The following ELOVL2 variants were observed in gnomAD, a reference collection of about 807,000 sequenced individuals.
The protein encoded by ELOVL2 is ELOVL fatty acid elongase 2.
ELOVL2 carries 38 observed loss-of-function variants against 37.7 expected under a neutral mutation model. The observed-to-expected ratio is 1.01, with a 90% CI of 0.78 to 1.32. ELOVL2 has a LOEUF of 1.32. ELOVL2 is among the 40% of genes most tolerant of loss of function. The pLI is 0.00. For synonymous variants in ELOVL2, 115 were observed against 122.3 expected (o/e 0.94, Z 0.40); for missense variants, 352 against 363.6 (o/e 0.97, Z 0.26).
chr6:11,013,939 T>G (rs907808888), intron 1 of ELOVL2, among the ~76,000 whole-genome samples: 1 of 151,626 alleles, frequency 6.6e-6, no homozygotes, highest in Non-Finnish European at 1.5e-5. Context: ...CCTCCCCAGA[T>G]GACATTTCAA....
At chr6:11,037,820 T>C (rs1245252560) in intron 1 of ELOVL2, among the ~76,000 whole-genome samples, 1 of 152,230 alleles carries the variant, frequency 6.6e-6, no homozygotes, top group Non-Finnish European at 1.5e-5. Context: ...GCAGGTTCCA[T>C]TTTCTGTATA....
chr6:10,988,358 A>G (rs1033853540), intron 7 of ELOVL2, among the ~76,000 whole-genome samples: 1 of 152,242 alleles, frequency 6.6e-6, no homozygotes, highest in Non-Finnish European at 1.5e-5. Flanking sequence ...TGAGGTCAGG[A>G]GTTCAAGACC....
chr6:11,020,183 T>TAA (rs113673873), intron 1 of ELOVL2, among the ~76,000 whole-genome samples: 1 of 151,330 alleles, frequency 6.6e-6, no homozygotes, highest in African/African-American at 2.4e-5. Flanking sequence ...CCTTAAGTCT[T>TAA]AAAAAAAAAA....
intron 1 of ELOVL2, among the ~76,000 whole-genome samples, chr6:11,025,197 A>G (rs552512379): frequency 2.6e-5 from 4 of 152,264 alleles, no homozygotes; most frequent in African/African-American, 9.6e-5. Flanking sequence ...TAGCAGATTC[A>G]AGCCCTCCCC....
At chr6:11,035,968 TC>T (rs1301106464) in intron 1 of ELOVL2, among the ~76,000 whole-genome samples, 1 of 152,242 alleles carries the variant, frequency 6.6e-6, no homozygotes, top group Non-Finnish European at 1.5e-5. Context: ...TTTGCATGTC[TC>T]GAGAGCAATT....
intron 1 of ELOVL2, among the ~76,000 whole-genome samples, chr6:11,020,855 C>G (rs1158036808): frequency 6.6e-6 from 1 of 152,164 alleles, no homozygotes; most frequent in Non-Finnish European, 1.5e-5. Flanking sequence ...AGTGTGGTTA[C>G]TGTCACTATT....
intron 4 of ELOVL2, among the ~76,000 whole-genome samples, chr6:10,999,382 T>TA (rs925393671): frequency 2.0e-5 from 3 of 146,970 alleles, no homozygotes; most frequent in African/African-American, 7.4e-5. Context: ...AGGAAATGCT[T>TA]TTTTTTTTTT....
At chr6:11,010,058 CTG>C (rs1782548054) in intron 2 of ELOVL2, among the ~76,000 whole-genome samples, 1 of 144,670 alleles carries the variant, frequency 6.9e-6, no homozygotes, top group Non-Finnish European at 1.5e-5. Context: ...GAGTCTCACT[CTG>C]TTGCCCAGGA....
intron 1 of ELOVL2, among the ~76,000 whole-genome samples, chr6:11,039,260 GC>G (rs540334590): frequency 1.3e-4 from 20 of 152,290 alleles, no homozygotes; most frequent in African/African-American, 4.8e-4. Flanking sequence ...TAAAGCTAGG[GC>G]TAGAACCCAG....
At chr6:11,004,197 A>C (rs1476581939) in intron 3 of ELOVL2, among the ~76,000 whole-genome samples, 1 of 152,128 alleles carries the variant, frequency 6.6e-6, no homozygotes, top group Non-Finnish European at 1.5e-5. Flanking sequence ...TTATGGTAAT[A>C]TTAATAGTTA....
At chr6:11,001,087 G>C (rs1209353301) in intron 3 of ELOVL2, among the ~76,000 whole-genome samples, 2 of 152,190 alleles carry the variant, frequency 1.3e-5, no homozygotes, top group East Asian at 1.9e-4. Context: ...TGCTGCCTTA[G>C]AGATGTATAA....
In ELOVL2 at chr6:10,989,596, G is replaced by T. The variant is rs1782108798; in HGVS notation, c.765+107C>A. 3 of 1,093,616 alleles carry T rather than the reference G, an allele frequency of 2.7e-6. No individual in the cohort carries two copies. In the South Asian group the frequency reaches 4.7e-5, roughly 17 times the overall value. The allele number at this position is 1,093,616 out of a possible 1,614,324, so 67.7% of individuals were successfully genotyped here. On this transcript the variant is annotated intron_variant, in intron 7 of 7. Transcript: ENST00000354666. ...GGAGGTTGCAGTGAGCTGAGATCAT[G>T]CCACTGCACTCCAGCCTGGGCAATA...
chr6:10,996,534 G>T lies in ELOVL2; in HGVS notation c.334-1356C>A, dbSNP rs1043588621. Among the ~76,000 whole-genome samples the T allele has an allele frequency of 3.3e-5, 5 of 152,250 alleles. No individual in the cohort carries two copies. In the East Asian group the frequency reaches 9.7e-4, roughly 29 times the overall value. ...AATACAAAAAAATTAGTTGGGTGTG[G>T]TGGTGGGCACCTGTAGTCCCAGCTA... On this transcript the variant is annotated intron_variant, in intron 4 of 7. Transcript: ENST00000354666.
Position 10,995,031 on chromosome 6 carries a change from A to G in ELOVL2, c.481T>C (p.Leu161=), listed in dbSNP as rs755401151. The change falls in exon 5 of 8, where the codon TTG becomes CTG. Residue 161 remains leucine (L), a synonymous_variant. Transcript: ENST00000354666. Reference sequence around the variant, plus strand: ...CTTTGTCCACAAGGTATCCAGTTCAAGACACACCACCAGATGTTAAACATA... The same window carrying G: ...CTTTGTCCACAAGGTATCCAGTTCAGGACACACCACCAGATGTTAAACATA... ...ASMFNIWWCV[L]NWIPCGQSFF... The G allele has an allele frequency of 1.2e-6, 2 of 1,610,176 alleles. No homozygotes were observed. Among genetic ancestry groups the G allele is most frequent in the Non-Finnish European group, 1.7e-6 (2 of 1,178,574 alleles).
intron 1 of ELOVL2, among the ~76,000 whole-genome samples, chr6:11,018,387 C>T (rs547793320): frequency 2.0e-4 from 31 of 152,308 alleles, no homozygotes; most frequent in African/African-American, 7.0e-4. Context: ...TAAGCCACCA[C>T]GATTGCCTCA....
At chr6:10,994,951 A>G in intron 5 of ELOVL2, 56 bp downstream of exon 5, 1 of 1,373,800 alleles carries the variant, frequency 7.3e-7, no homozygotes, top group Non-Finnish European at 1.0e-6. Flanking sequence ...ACAAGACAGC[A>G]CCAGTGGTCT....
intron 1 of ELOVL2, among the ~76,000 whole-genome samples, chr6:11,032,458 C>A (rs139437870): frequency 7.5e-4 from 114 of 152,082 alleles, no homozygotes; most frequent in African/African-American, 2.6e-3. Flanking sequence ...ATGGACAAAT[C>A]CTGGAAATTT....
intron 1 of ELOVL2, among the ~76,000 whole-genome samples, chr6:11,038,698 T>C (rs538788183): frequency 6.6e-6 from 1 of 152,302 alleles, no homozygotes; most frequent in East Asian, 1.9e-4. Flanking sequence ...TGACATAACC[T>C]GGCCCTTTCC....
chr6:10,990,640 G>C (rs1400787779), intron 5 of ELOVL2, among the ~76,000 whole-genome samples, 198 bp from the exon 6 acceptor site: 1 of 149,308 alleles, frequency 6.7e-6, no homozygotes, highest in Non-Finnish European at 1.5e-5. Context: ...ATGATAGAAG[G>C]AGTAGCCTGG....
Sources: allele counts gnomAD v4.1 joint callset (sites outside exome capture counted in the v4.1 genomes callset), GRCh38; gene constraint gnomAD v4.1.1; transcripts MANE v1.5; gene names NCBI Gene and HGNC (gene_info 2026-07-23, HGNC 2026-07-21).